The following XKR4 variants were observed in gnomAD, a reference collection of about 807,000 sequenced individuals.
XKR4 encodes XK-related protein 4.
A neutral mutation model predicts 53.9 loss-of-function variants in XKR4; 12 were observed. The ratio of observed to expected loss-of-function variants is 0.22; its 90% CI spans 0.14 to 0.36. The LOEUF is 0.36. XKR4 is among the 10% of genes least tolerant of loss of function. The pLI, the probability that XKR4 is intolerant of heterozygous loss-of-function variation, is 1.00. For missense variants in XKR4, 799 were observed against 859.5 expected (o/e 0.93, Z 0.88); for synonymous variants, 354 against 362.4 (o/e 0.98, Z 0.26).
At chr8:55,140,667 A>T (rs537025466) in intron 1 of XKR4, among the ~76,000 whole-genome samples, 20 of 152,348 alleles carry the variant, frequency 1.3e-4, no homozygotes, top group Admixed American at 9.1e-4. Context: ...GGTGTATCAG[A>T]TGTCTGGAGT....
chr8:55,395,323 G>A (rs887361066), intron 2 of XKR4, among the ~76,000 whole-genome samples: 2 of 151,938 alleles, frequency 1.3e-5, no homozygotes, highest in Non-Finnish European at 2.9e-5. Flanking sequence ...GCATTCCCAT[G>A]GAGAAAGCAG....
chr8:55,497,490 C>A (rs760972916), intron 2 of XKR4, among the ~76,000 whole-genome samples: 27 of 152,122 alleles, frequency 1.8e-4, no homozygotes, highest in Non-Finnish European at 3.7e-4. Flanking sequence ...AACTTATTTA[C>A]CCTCAAAACA....
chr8:55,117,219 G>A (rs1016131820), intron 1 of XKR4, among the ~76,000 whole-genome samples: 1 of 152,050 alleles, frequency 6.6e-6, no homozygotes, highest in Non-Finnish European at 1.5e-5. Flanking sequence ...ATCTTTTTGA[G>A]GAGTGAGAAG....
At chr8:55,422,283 A>G (rs1804946654) in intron 2 of XKR4, among the ~76,000 whole-genome samples, 1 of 152,242 alleles carries the variant, frequency 6.6e-6, no homozygotes. Context: ...CTTACTTCCA[A>G]TGCATCACAA....
intron 1 of XKR4, among the ~76,000 whole-genome samples, chr8:55,247,867 T>A (rs200937312): frequency 7.6e-5 from 2 of 26,342 alleles, no homozygotes; most frequent in African/African-American, 1.1e-4. Context: ...TTTTTTTTTT[T>A]TTTTTTTGAG....
intron 1 of XKR4, among the ~76,000 whole-genome samples, chr8:55,333,332 A>G (rs1803407190): frequency 6.6e-6 from 1 of 152,124 alleles, no homozygotes; most frequent in South Asian, 2.1e-4. Flanking sequence ...GCATTTGAAC[A>G]AATAGCCACC....
intron 2 of XKR4, among the ~76,000 whole-genome samples, chr8:55,522,997 C>A (rs1248956527): frequency 6.6e-6 from 1 of 152,086 alleles, no homozygotes; most frequent in Non-Finnish European, 1.5e-5. Context: ...AAAAAATTAG[C>A]CAGGCATGGT....
At chr8:55,221,105 C>G (rs1817875431) in intron 1 of XKR4, among the ~76,000 whole-genome samples, 1 of 152,172 alleles carries the variant, frequency 6.6e-6, no homozygotes, top group African/African-American at 2.4e-5. Flanking sequence ...CCTTGGAACA[C>G]TAGAATTTGC....
chr8:55,507,871 G>T (rs368032028), intron 2 of XKR4, among the ~76,000 whole-genome samples: 2 of 152,064 alleles, frequency 1.3e-5, no homozygotes, highest in East Asian at 3.9e-4. Flanking sequence ...CCCAGTAATG[G>T]GATGACTGAG....
chr8:55,261,333 A>G (rs1419288912), intron 1 of XKR4, among the ~76,000 whole-genome samples: 9 of 152,228 alleles, frequency 5.9e-5, no homozygotes, highest in Non-Finnish European at 1.3e-4. Flanking sequence ...ACCTAGCCAT[A>G]TATAGATCTA....
Position 55,541,292 on chromosome 8 carries a change from G to A in XKR4, c.*17065G>A, listed in dbSNP as rs1807097366. 6.6e-6 allele frequency: 1 copy of A among 152,120 alleles called. No homozygotes were observed. The highest frequency in any genetic ancestry group is 2.4e-5 in the African/African-American group (1 of 41,420). The allele number at this position is 152,120 out of a possible 1,614,324, so 9.4% of individuals were successfully genotyped here. A position where few individuals can be genotyped will look rare whatever the true frequency, so the allele number is the denominator to read the frequency against. On this transcript the variant is annotated 3_prime_UTR_variant, in exon 3 of 3. Coordinates refer to ENST00000327381, the MANE Select transcript of XKR4 (RefSeq NM_052898.2). ...ATTTTGTTTGTTTGTTTCTAAGGTT[G>A]GTTTTGGGTAAAATCCTCATTTCCA...
chr8:55,479,266 C>T (rs764367326), intron 2 of XKR4, among the ~76,000 whole-genome samples: 11 of 152,058 alleles, frequency 7.2e-5, no homozygotes, highest in Non-Finnish European at 1.6e-4. Flanking sequence ...TGCTCAACTA[C>T]ATGGAAACTG....
At chr8:55,489,621 G>A (rs899787864) in intron 2 of XKR4, among the ~76,000 whole-genome samples, 2 of 151,354 alleles carry the variant, frequency 1.3e-5, no homozygotes, top group Admixed American at 6.6e-5. Flanking sequence ...TTATTATGAT[G>A]CATCAAATAT....
intron 1 of XKR4, among the ~76,000 whole-genome samples, chr8:55,168,785 G>A (rs913716892): frequency 1.3e-5 from 2 of 152,082 alleles, no homozygotes; most frequent in Non-Finnish European, 2.9e-5. Flanking sequence ...TTCATTATGA[G>A]CAAGAAATGC....
At chr8:55,354,001 A>G (rs1410645317) in intron 1 of XKR4, among the ~76,000 whole-genome samples, 4 of 152,210 alleles carry the variant, frequency 2.6e-5, no homozygotes, top group Non-Finnish European at 5.9e-5. Flanking sequence ...ATCATTCTTT[A>G]GTCTACCAAA....
intron 1 of XKR4, among the ~76,000 whole-genome samples, chr8:55,111,025 A>G (rs1233600339): frequency 6.6e-6 from 1 of 152,170 alleles, no homozygotes; most frequent in Non-Finnish European, 1.5e-5. Context: ...CCTAAAATAG[A>G]CGGAGAGGGT....
Position 55,255,679 on chromosome 8 carries a change from C to T in XKR4, c.807-101999C>T, listed in dbSNP as rs565193992. On this transcript the variant is annotated intron_variant, in intron 1 of 2. Transcript: ENST00000327381. ...CAAATGTACAAGAATTGTAATTAAACATAAAAGTAAGCCCCTCGAGAAAAA... is the reference window on the plus strand; with the variant it reads ...CAAATGTACAAGAATTGTAATTAAATATAAAAGTAAGCCCCTCGAGAAAAA... Among the ~76,000 whole-genome samples, 4 of 152,088 alleles carry T rather than the reference C, an allele frequency of 2.6e-5. No homozygotes were observed. The South Asian group carries it at 8.3e-4, about 32-fold the overall frequency.
intron 1 of XKR4, among the ~76,000 whole-genome samples, chr8:55,245,309 T>A (rs943626294): frequency 6.6e-6 from 1 of 152,134 alleles, no homozygotes; most frequent in Non-Finnish European, 1.5e-5. Context: ...TTTGCAAAAA[T>A]TTTCTCACAT....
At chr8:55,436,605 G>A (rs1805180066) in intron 2 of XKR4, among the ~76,000 whole-genome samples, 1 of 152,072 alleles carries the variant, frequency 6.6e-6, no homozygotes, top group South Asian at 2.1e-4. Context: ...TTCTTCCTGT[G>A]GTCTTTTGGC....
Sources: allele counts gnomAD v4.1 joint callset (sites outside exome capture counted in the v4.1 genomes callset), GRCh38; gene constraint gnomAD v4.1.1; transcripts MANE v1.5; gene names NCBI Gene and HGNC (gene_info 2026-07-23, HGNC 2026-07-21).